CALN1: variants seen among roughly 807,000 people sequenced by gnomAD.
The protein encoded by CALN1 is calcium-binding protein 8.
Under a neutral mutation model 30.6 loss-of-function variants are expected in CALN1, and 17 were observed. That is an observed-to-expected ratio of 0.56 (90% CI 0.38 to 0.83). CALN1 has a LOEUF of 0.83. CALN1 is among the 40% of genes least tolerant of loss of function. CALN1 has a pLI of 0.00. For synonymous variants in CALN1, 156 were observed against 131.4 expected, an observed-to-expected ratio of 1.19 and a Z score of -1.28; for missense variants, 291 against 354.9, an observed-to-expected ratio of 0.82 and a Z score of 1.45.
intron 4 of CALN1, among the ~76,000 whole-genome samples, chr7:72,083,471 T>G (rs1376991828): frequency 6.6e-6 from 1 of 152,002 alleles, no homozygotes; most frequent in Non-Finnish European, 1.5e-5. Flanking sequence ...GTAATCCTAG[T>G]GCTTTGTAAG....
chr7:71,979,869 CTTTTTTTTTTTTTTT>C (rs555621436), intron 5 of CALN1, among the ~76,000 whole-genome samples: 1 of 89,692 alleles, frequency 1.1e-5, no homozygotes, highest in Non-Finnish European at 2.2e-5. Flanking sequence ...CATCAGGATT[CTTTTTTTTTTTTTTT>C]TTTTTTTTTT....
upstream of CALN1, among the ~76,000 whole-genome samples, chr7:72,413,762 TAAC>T (rs563846955): frequency 1.4e-4 from 20 of 147,258 alleles, no homozygotes; most frequent in South Asian, 1.3e-3. Context: ...CACATACACA[TAAC>T]AAACACACTA....
At chr7:72,109,998 T>C (rs547644508) in intron 3 of CALN1, among the ~76,000 whole-genome samples, 2 of 152,362 alleles carry the variant, frequency 1.3e-5, no homozygotes, top group South Asian at 4.1e-4. Flanking sequence ...CTGCAGTTAC[T>C]GGATAGCCAG....
intron 4 of CALN1, among the ~76,000 whole-genome samples, chr7:72,036,936 AT>A (rs1801835834): frequency 6.6e-6 from 1 of 150,914 alleles, no homozygotes; most frequent in African/African-American, 2.4e-5. Flanking sequence ...CCAAGGATTT[AT>A]TTTTTGTTAT....
chr7:71,982,557 G>T (rs994937870), intron 5 of CALN1, among the ~76,000 whole-genome samples: 1 of 152,210 alleles, frequency 6.6e-6, no homozygotes, highest in Non-Finnish European at 1.5e-5. Flanking sequence ...TCACGCCATT[G>T]CACTCCAGCC....
In CALN1 at chr7:72,397,714, T is replaced by TCACACACACACACACACACA. The variant is rs3138810; in HGVS notation, c.119+5517_119+5536dup. Reference sequence around the variant, plus strand: ...GATCTTGGAGAGCACCCATTCTCTCTCACACACACACACACACACACACAC... The same window carrying TCACACACACACACACACACA: ...GATCTTGGAGAGCACCCATTCTCTCTCACACACACACACACACACACACACACACACACACACACACACAC... On this transcript the variant is annotated intron_variant, in intron 2 of 6. Transcript: ENST00000395275. 2.6e-3 allele frequency among the ~76,000 whole-genome samples: 366 copies of TCACACACACACACACACACA among 142,898 alleles called. 1 individual carries two copies. Among genetic ancestry groups the TCACACACACACACACACACA allele is most frequent in the East Asian group, 0.013 (60 of 4,706 alleles). 93.7% of individuals were successfully genotyped at this position (142,898 alleles called of 152,430 possible).
chr7:71,796,535 A>G (rs749850727), intron 6 of CALN1, among the ~76,000 whole-genome samples: 4 of 151,494 alleles, frequency 2.6e-5, no homozygotes, highest in African/African-American at 4.8e-5. Flanking sequence ...AATTTTTTGT[A>G]TTTTTAGTAG....
intron 4 of CALN1, among the ~76,000 whole-genome samples, chr7:72,036,770 C>A (rs73369813): frequency 0.011 from 1,738 of 151,882 alleles, 46 homozygotes; most frequent in African/African-American, 0.039. Context: ...TGTATTCGAT[C>A]TGCTATCAGG....
At chr7:72,251,620 C>G (rs1350232590) in intron 3 of CALN1, among the ~76,000 whole-genome samples, 1 of 152,062 alleles carries the variant, frequency 6.6e-6, no homozygotes, top group Non-Finnish European at 1.5e-5. Context: ...AGGCTAGTCT[C>G]AAACTTCTGG....
the CALN1 span, among the ~76,000 whole-genome samples, chr7:72,483,375 C>T: frequency 6.7e-6 from 1 of 150,186 alleles, no homozygotes; most frequent in African/African-American, 2.4e-5. Flanking sequence ...ACCTCCATCT[C>T]CCAGGTTCAA....
chr7:72,486,796 C>T, the CALN1 span, among the ~76,000 whole-genome samples: 1 of 152,094 alleles, frequency 6.6e-6, no homozygotes, highest in African/African-American at 2.4e-5. Flanking sequence ...CCAATTTCTT[C>T]CTTCATTCAT....
intron 3 of CALN1, among the ~76,000 whole-genome samples, chr7:72,248,106 A>G (rs974005820): frequency 2.6e-5 from 4 of 152,220 alleles, no homozygotes; most frequent in African/African-American, 9.6e-5. Context: ...GCTCTAGTGG[A>G]TAATCTATTT....
intron 1 of CALN1, among the ~76,000 whole-genome samples, chr7:72,432,483 A>G (rs1472944350): frequency 2.0e-5 from 3 of 152,090 alleles, no homozygotes; most frequent in African/African-American, 7.2e-5. Flanking sequence ...CTTTCATCAC[A>G]TAGATGCTGG....
intron 3 of CALN1, among the ~76,000 whole-genome samples, chr7:72,182,236 G>A (rs1789864898): frequency 6.6e-6 from 1 of 152,044 alleles, no homozygotes; most frequent in African/African-American, 2.4e-5. Context: ...AGTGTGTCCT[G>A]TATCTGTGCA....
intron 3 of CALN1, among the ~76,000 whole-genome samples, chr7:72,269,738 A>G (rs1796848695): frequency 6.6e-6 from 1 of 152,200 alleles, no homozygotes; most frequent in Non-Finnish European, 1.5e-5. Flanking sequence ...AAGATAACAC[A>G]TAATCACTCT....
At chr7:71,987,763 T>G (rs1798749860) in intron 5 of CALN1, among the ~76,000 whole-genome samples, 2 of 152,224 alleles carry the variant, frequency 1.3e-5, no homozygotes, top group Admixed American at 1.3e-4. Flanking sequence ...GGCAGATAAA[T>G]GTCTAAATCT....
intron 3 of CALN1, among the ~76,000 whole-genome samples, chr7:72,257,871 A>G (rs1010037345): frequency 1.3e-5 from 2 of 152,234 alleles, no homozygotes; most frequent in African/African-American, 4.8e-5. Context: ...AGGAAGGGAA[A>G]GCAAATACTG....
chr7:72,327,421 G>A (rs573399347), intron 2 of CALN1, among the ~76,000 whole-genome samples: 4 of 152,196 alleles, frequency 2.6e-5, no homozygotes, highest in Admixed American at 2.0e-4. Context: ...TCCAGCAGGC[G>A]GAGGTTGCAG....
chr7:72,019,131 A>G (rs2129529892), intron 5 of CALN1, among the ~76,000 whole-genome samples: 1 of 152,034 alleles, frequency 6.6e-6, no homozygotes, highest in Admixed American at 6.6e-5. Flanking sequence ...GATTATAGGC[A>G]TAAGCCACCC....
Sources: gnomAD v4.1 joint callset for allele counts (sites outside exome capture counted in the v4.1 genomes callset) on GRCh38, gnomAD v4.1.1 for gene constraint, MANE v1.5 for transcripts, NCBI Gene and HGNC (gene_info 2026-07-23, HGNC 2026-07-21) for gene names.